Variants in YWHAQ observed in about 807,000 individuals in gnomAD.
The protein encoded by YWHAQ is tyrosine 3-monooxygenase/tryptophan 5-monooxygenase activation protein theta, also known as 14-3-3 protein theta.
YWHAQ carries 6 observed loss-of-function variants against 28.3 expected under a neutral mutation model. That is an observed-to-expected ratio of 0.21 (90% confidence interval 0.12 to 0.42). The LOEUF (loss-of-function observed/expected upper bound fraction) is 0.42, where lower values mean the gene tolerates loss of function less well. Ranked by LOEUF, YWHAQ falls within the 10% of genes least tolerant of loss-of-function variation. The pLI is 1.00. For synonymous variants in YWHAQ, 143 were observed against 119.1 expected (o/e 1.20, Z -1.31); for missense variants, 201 against 305.6 (o/e 0.66, Z 2.55).
intron 2 of YWHAQ, among the ~76,000 whole-genome samples, chr2:9,597,132 C>G (rs558728601): frequency 6.6e-6 from 1 of 152,266 alleles, no homozygotes; most frequent in East Asian, 1.9e-4. Flanking sequence ...CTATTATGAT[C>G]TAAAGGTCTC....
intron 2 of YWHAQ, among the ~76,000 whole-genome samples, chr2:9,619,792 A>C (rs1667104841): frequency 1.3e-5 from 2 of 152,200 alleles, no homozygotes; most frequent in African/African-American, 4.8e-5. Context: ...ACTAGCACTG[A>C]AGATCTAAAA....
chr2:9,606,100 A>T (rs191019892), intron 2 of YWHAQ, among the ~76,000 whole-genome samples: 1 of 152,222 alleles, frequency 6.6e-6, no homozygotes, highest in East Asian at 1.9e-4. Flanking sequence ...GGAACACTTA[A>T]GCTGCTTCCA....
chr2:9,597,985 AT>A (rs547582835), intron 2 of YWHAQ, among the ~76,000 whole-genome samples: 8,625 of 62,120 alleles, frequency 0.14, 410 homozygotes, highest in Middle Eastern at 0.21. Flanking sequence ...ATGCCGGGCT[AT>A]TTTTTTTTTT....
At chr2:9,589,324 C>T (rs1488997688) in intron 3 of YWHAQ, among the ~76,000 whole-genome samples, 1 of 152,164 alleles carries the variant, frequency 6.6e-6, no homozygotes, top group East Asian at 1.9e-4. Context: ...TGGCTCACGC[C>T]TGTAATCCTA....
chr2:9,620,013 G>A (rs1296187303), intron 2 of YWHAQ, among the ~76,000 whole-genome samples: 1 of 152,104 alleles, frequency 6.6e-6, no homozygotes, highest in Admixed American at 6.5e-5. Context: ...AGTTATTCAG[G>A]AATAAAATGT....
rs1667349692 is a variant in YWHAQ at position 9,630,539 on chromosome 2, G to A, written c.-82-5C>T. On this transcript the variant is annotated splice_polypyrimidine_tract_variant and splice_region_variant and intron_variant, in intron 1 of 5. Coordinates refer to ENST00000238081, the MANE Select transcript of YWHAQ (RefSeq NM_006826.4). This position sits in a 1 kb window ranked among gnomAD's most constrained non-coding sequence, Gnocchi z 5.6. ...CAGCGGGAGGAGCCTCGAGAGCTGC[G>A]GAGGGGCGGGGCGGCGAGGCGAGAA... 1.9e-5 allele frequency: 25 copies of A among 1,311,936 alleles called. No homozygotes were observed. Among genetic ancestry groups the A allele is most frequent in the Non-Finnish European group, 2.4e-5 (24 of 986,058 alleles). The allele number at this position is 1,311,936 out of a possible 1,614,324, so 81.3% of individuals were successfully genotyped here.
Position 9,618,220 on chromosome 2 carries a change from C to A in YWHAQ, c.294+11939G>T, listed in dbSNP as rs73155559. Among the ~76,000 whole-genome samples, 837 of 152,110 alleles carry A rather than the reference C, an allele frequency of 5.5e-3. 4 individuals are homozygous for A. The highest frequency in any genetic ancestry group is 0.019 in the African/African-American group (799 of 41,492). On this transcript the variant is annotated intron_variant, in intron 2 of 5. Transcript: ENST00000238081. Reference sequence around the variant, plus strand: ...GTGAATAAACTAAAAACCACAGAATCATATTTAAAAAGGTAAAATTTATGG... The same window carrying A: ...GTGAATAAACTAAAAACCACAGAATAATATTTAAAAAGGTAAAATTTATGG...
In YWHAQ at chr2:9,598,013, T is replaced by TTTTTTTTA. The variant is rs1666612979; in HGVS notation, c.295-6499_295-6498insTAAAAAAA. 5.1e-4 allele frequency among the ~76,000 whole-genome samples: 69 copies of TTTTTTTTA among 134,996 alleles called. 3 individuals are homozygous for TTTTTTTTA. The highest frequency in any genetic ancestry group is 1.8e-3 in the African/African-American group (63 of 35,162). The allele number at this position is 134,996 out of a possible 152,430, so 88.6% of individuals were successfully genotyped here. On this transcript the variant is annotated intron_variant, in intron 2 of 5. Coordinates refer to ENST00000238081, the MANE Select transcript of YWHAQ (RefSeq NM_006826.4). ...TTTTTTTTTTTTTTTTTTTTTTTTT[T>TTTTTTTTA]AGTAGAGACAAGGTTTCTCCATGTT...
intron 3 of YWHAQ, among the ~76,000 whole-genome samples, chr2:9,590,260 C>T (rs374954819): frequency 3.6e-4 from 55 of 152,244 alleles, no homozygotes; most frequent in African/African-American, 1.2e-3. Context: ...GTTCCGTGCC[C>T]GTATCATGTC....
intron 2 of YWHAQ, among the ~76,000 whole-genome samples, chr2:9,602,390 G>T (rs1666710496): frequency 6.6e-6 from 1 of 152,068 alleles, no homozygotes; most frequent in Non-Finnish European, 1.5e-5. Context: ...ACTCCAGCCT[G>T]GGTGACAGAG....
intron 2 of YWHAQ, among the ~76,000 whole-genome samples, chr2:9,614,954 C>T (rs984996187): frequency 6.6e-6 from 1 of 152,090 alleles, no homozygotes; most frequent in Non-Finnish European, 1.5e-5. Context: ...TACAACTAAA[C>T]TTATATGAGT....
At position 9,584,438 on chromosome 2, in the gene YWHAQ, T is replaced by G. The variant is rs1666305567; in HGVS notation, c.*848A>C. 6.6e-6 allele frequency: 1 copy of G among 152,628 alleles called. No individual in the cohort carries two copies. The highest frequency in any genetic ancestry group is 2.1e-4 in the South Asian group (1 of 4,832). 9.5% of individuals were successfully genotyped at this position (152,628 alleles called of 1,614,324 possible). Reference sequence around the variant, plus strand: ...GGACACCCTCTCACATGTGCACAAATCTGCATGGAAAAGTACTAAAGTTTT... The same window carrying G: ...GGACACCCTCTCACATGTGCACAAAGCTGCATGGAAAAGTACTAAAGTTTT... On this transcript the variant is annotated 3_prime_UTR_variant, in exon 6 of 6. Transcript: ENST00000238081.
intron 2 of YWHAQ, among the ~76,000 whole-genome samples, chr2:9,624,519 G>C (rs1667206408): frequency 1.3e-5 from 2 of 151,976 alleles, no homozygotes; most frequent in South Asian, 4.2e-4. Context: ...GGCATTATTG[G>C]CATGGGGGGG....
chr2:9,601,153 T>C (rs1666684195), intron 2 of YWHAQ, among the ~76,000 whole-genome samples: 1 of 152,186 alleles, frequency 6.6e-6, no homozygotes, highest in African/African-American at 2.4e-5. Context: ...GGTCATCCTG[T>C]AGATAAGACA....
chr2:9,591,705 G>A (rs1387565590), intron 2 of YWHAQ, among the ~76,000 whole-genome samples, 190 bp from the exon 3 acceptor site: 2 of 152,170 alleles, frequency 1.3e-5, no homozygotes, highest in East Asian at 1.9e-4. Flanking sequence ...TGCCCTGGGA[G>A]GCTTTAAATG....
chr2:9,603,333 G>C (rs1025712675), intron 2 of YWHAQ, among the ~76,000 whole-genome samples: 1 of 148,780 alleles, frequency 6.7e-6, no homozygotes, highest in Non-Finnish European at 1.5e-5. Context: ...GCAGTGACAC[G>C]ATCTCAGCTC....
In YWHAQ at chr2:9,616,418, A is replaced by C. The variant is rs147472758; in HGVS notation, c.294+13741T>G. On this transcript the variant is annotated intron_variant, in intron 2 of 5. Coordinates refer to ENST00000238081, the MANE Select transcript of YWHAQ (RefSeq NM_006826.4). ...CTTGGACTAGGCAATGGTTTCTTAGATCTTATACCAAAAACATAAGCAACC... is the reference window on the plus strand; with the variant it reads ...CTTGGACTAGGCAATGGTTTCTTAGCTCTTATACCAAAAACATAAGCAACC... 4.0e-3 allele frequency among the ~76,000 whole-genome samples: 606 copies of C among 151,492 alleles called. 4 individuals carry two copies. Among genetic ancestry groups the C allele is most frequent in the African/African-American group, 0.014 (575 of 41,126 alleles).
chr2:9,624,623 T>C (rs1368445936), intron 2 of YWHAQ, among the ~76,000 whole-genome samples: 1 of 152,120 alleles, frequency 6.6e-6, no homozygotes, highest in African/African-American at 2.4e-5. Flanking sequence ...GCACCTTCCT[T>C]CCTCAAGTCT....
rs1354250597 is a variant in YWHAQ at position 9,591,430 on chromosome 2, CG to C, written c.379del (p.Arg127GlyfsTer16). 2 of 1,612,878 alleles carry C rather than the reference CG, an allele frequency of 1.2e-6. No individual in the cohort carries two copies. On this transcript the variant is annotated frameshift_variant, in exon 3 of 6. Transcript: ENST00000238081. LOFTEE classifies it high-confidence loss of function. ...FYLKMKGDYFRYLAEVACGDD... is the reference protein window; with the variant it reads ...FYLKMKGDYFXYLAEVACGDD... ...ACCACACGCAACTTCAGCAAGGTAC[CG>C]GAAGTAATCACCCTTCATTTTCAGA...
Sources: allele counts gnomAD v4.1 joint callset (sites outside exome capture counted in the v4.1 genomes callset), GRCh38; gene constraint gnomAD v4.1.1; non-coding constraint Gnocchi (gnomAD v3.1); transcripts MANE v1.5; gene names NCBI Gene and HGNC (gene_info 2026-07-23, HGNC 2026-07-21).